Variants in PRKG1 observed in about 807,000 individuals in gnomAD.
The protein encoded by PRKG1 is protein kinase cGMP-dependent 1, also known as cGMP-dependent protein kinase 1.
Under a neutral mutation model 88.1 loss-of-function variants are expected in PRKG1, and 35 were observed. The ratio of observed to expected loss-of-function variants is 0.40; its 90% CI spans 0.30 to 0.53. PRKG1 has a LOEUF of 0.53. Ranked by LOEUF, PRKG1 falls within the 20% of genes least tolerant of loss-of-function variation. The pLI is 0.59. For synonymous variants in PRKG1, 303 were observed against 292.5 expected, an observed-to-expected ratio of 1.04 and a Z score of -0.37; for missense variants, 540 against 839.8, an observed-to-expected ratio of 0.64 and a Z score of 4.41.
chr10:51,595,548 T>G (rs1238758056), intron 3 of PRKG1, among the ~76,000 whole-genome samples: 1 of 148,670 alleles, frequency 6.7e-6, no homozygotes, highest in African/African-American at 2.6e-5. Flanking sequence ...GAGAATCGCT[T>G]GAACCTGGGA....
chr10:50,996,010 T>C (rs958061448), intron 1 of PRKG1, among the ~76,000 whole-genome samples: 10 of 152,316 alleles, frequency 6.6e-5, no homozygotes, highest in African/African-American at 2.4e-4. Flanking sequence ...GCCTACTTCT[T>C]ATATAAGCAA....
intron 4 of PRKG1, among the ~76,000 whole-genome samples, chr10:51,903,086 C>T (rs779707048): frequency 1.6e-4 from 25 of 152,150 alleles, no homozygotes; most frequent in Admixed American, 8.5e-4. Flanking sequence ...AATAGGTTAA[C>T]ATAAATAAAA....
chr10:51,689,894 G>T (rs1167464911), intron 3 of PRKG1, among the ~76,000 whole-genome samples: 1 of 152,162 alleles, frequency 6.6e-6, no homozygotes, highest in Non-Finnish European at 1.5e-5. Context: ...GGGGCCAACG[G>T]TAGTGTGCGA....
chr10:52,060,387 G>A (rs969835669), intron 6 of PRKG1, among the ~76,000 whole-genome samples: 15 of 151,784 alleles, frequency 9.9e-5, no homozygotes, highest in African/African-American at 3.6e-4. Context: ...ATATTACACG[G>A]TTAAGTGTAA....
chr10:51,637,915 C>A (rs887303982), intron 3 of PRKG1, among the ~76,000 whole-genome samples: 43 of 152,248 alleles, frequency 2.8e-4, no homozygotes, highest in African/African-American at 8.4e-4. Context: ...ATGTGTATCC[C>A]TGAACTTAAA....
chr10:51,074,980 C>T, intron 1 of PRKG1, 79 bp downstream of exon 1: 2 of 1,454,586 alleles, frequency 1.4e-6, no homozygotes, highest in South Asian at 1.4e-5. Flanking sequence ...TCTGTCGGCC[C>T]CCGCCCCTCC....
At position 52,274,079 on chromosome 10, in the gene PRKG1, A is replaced by C. The variant is rs564427895; in HGVS notation, c.1403+1598A>C. Among the ~76,000 whole-genome samples, 3 of 152,216 alleles carry C rather than the reference A, an allele frequency of 2.0e-5. No homozygotes were observed. The South Asian group carries it at 6.2e-4, about 32-fold the overall frequency. ...ACAGGTGGAATTAAACATGAAAGCA[A>C]TAATAAGCCACAAAGGGAGAGCCCA... On this transcript the variant is annotated intron_variant, in intron 12 of 17. Transcript: ENST00000373980.
At chr10:51,287,247 G>T (rs1205826399) in intron 2 of PRKG1, among the ~76,000 whole-genome samples, 2 of 152,074 alleles carry the variant, frequency 1.3e-5, no homozygotes, top group African/African-American at 2.4e-5. Context: ...TCATTCATTT[G>T]CTCAGGTTTG....
chr10:52,152,635 T>C (rs1415077292), intron 8 of PRKG1, among the ~76,000 whole-genome samples: 1 of 152,092 alleles, frequency 6.6e-6, no homozygotes, highest in East Asian at 1.9e-4. Flanking sequence ...ATGGGATAAT[T>C]CAGAGAAGTT....
intron 3 of PRKG1, among the ~76,000 whole-genome samples, chr10:51,489,718 C>A (rs1840655622): frequency 6.6e-6 from 1 of 152,016 alleles, no homozygotes; most frequent in Non-Finnish European, 1.5e-5. Flanking sequence ...AATTAGTGCA[C>A]ATGTGATGAG....
At chr10:52,183,542 A>G (rs1047752770) in intron 9 of PRKG1, among the ~76,000 whole-genome samples, 3 of 152,204 alleles carry the variant, frequency 2.0e-5, no homozygotes, top group African/African-American at 4.8e-5. Context: ...CCTACCGTCC[A>G]GGGCCAGAGT....
chr10:51,377,802 T>C (rs1408785559), intron 2 of PRKG1, among the ~76,000 whole-genome samples: 2 of 152,224 alleles, frequency 1.3e-5, no homozygotes, highest in East Asian at 3.9e-4. Context: ...ATTCCCCAAG[T>C]GCCACCTGTG....
intron 2 of PRKG1, among the ~76,000 whole-genome samples, chr10:51,455,340 T>C (rs1839555427): frequency 6.6e-6 from 1 of 152,252 alleles, no homozygotes; most frequent in South Asian, 2.1e-4. Context: ...TGACATGCCC[T>C]GTAGATATTT....
chr10:52,081,720 G>A, intron 7 of PRKG1: 2 of 456,238 alleles, frequency 4.4e-6, no homozygotes, highest in South Asian at 1.5e-5. Context: ...ATGGAGCAGG[G>A]TAAGGGTGAA....
intron 4 of PRKG1, among the ~76,000 whole-genome samples, chr10:51,826,595 G>A (rs1394773135): frequency 6.6e-6 from 1 of 152,110 alleles, no homozygotes; most frequent in African/African-American, 2.4e-5. Context: ...AAACTCCTAG[G>A]ACTTATCATT....
At chr10:52,094,386 T>C (rs1194163353) in intron 7 of PRKG1, among the ~76,000 whole-genome samples, 1 of 152,186 alleles carries the variant, frequency 6.6e-6, no homozygotes, top group African/African-American at 2.4e-5. Context: ...ATTTAATCAC[T>C]ATACATTAAT....
At chr10:51,809,750 G>A (rs1252134971) in intron 4 of PRKG1, among the ~76,000 whole-genome samples, 5 of 152,172 alleles carry the variant, frequency 3.3e-5, no homozygotes, top group Non-Finnish European at 7.4e-5. Context: ...CACTTGGTAA[G>A]ACAGATATGC....
chr10:51,886,870 AG>A (rs1223823129), intron 4 of PRKG1, among the ~76,000 whole-genome samples: 26 of 152,324 alleles, frequency 1.7e-4, no homozygotes, highest in African/African-American at 5.5e-4. Context: ...CTATACAAAA[AG>A]TTAGCCATCC....
In PRKG1 at chr10:50,991,347, G is replaced by C; in HGVS notation, c.-32G>C. ...CGCCGCCGCCGCCGCCGCCGCCCGA[G>C]AAAAAGTTTCGCGGAGGGGCTCAGT... On this transcript the variant is annotated 5_prime_UTR_variant, in exon 1 of 18. Coordinates refer to the PRKG1 transcript ENST00000401604. The surrounding 1 kb of genome is among the most constrained non-coding windows in gnomAD (Gnocchi z 4.5). 6.8e-7 allele frequency: 1 copy of C among 1,478,542 alleles called. No homozygotes were observed. The highest frequency in any genetic ancestry group is 1.6e-5 in the African/African-American group (1 of 63,874). 91.6% of individuals were successfully genotyped at this position (1,478,542 alleles called of 1,614,324 possible).
Sources: gnomAD v4.1 joint callset for allele counts (sites outside exome capture counted in the v4.1 genomes callset) on GRCh38, gnomAD v4.1.1 for gene constraint, Gnocchi (gnomAD v3.1) non-coding constraint, MANE v1.5 for transcripts, NCBI Gene and HGNC (gene_info 2026-07-23, HGNC 2026-07-21) for gene names.